Variants in BANK1 observed in about 807,000 individuals in gnomAD.
The protein encoded by BANK1 is B cell scaffold protein with ankyrin repeats 1, also known as B-cell scaffold protein with ankyrin repeats.
A neutral mutation model predicts 94.5 loss-of-function variants in BANK1; 95 were observed. The ratio of observed to expected loss-of-function variants is 1.00; its 90% CI spans 0.85 to 1.19. The LOEUF (loss-of-function observed/expected upper bound fraction) is 1.19. Among genes scored for constraint, BANK1 ranks in the 50% most tolerant of loss-of-function variants. BANK1 has a pLI of 0.00. For missense variants in BANK1, 987 were observed against 932.2 expected, an observed-to-expected ratio of 1.06 and a Z score of -0.77; for synonymous variants, 334 against 308.4, an observed-to-expected ratio of 1.08 and a Z score of -0.87.
intron 5 of BANK1, among the ~76,000 whole-genome samples, chr4:101,886,391 T>C (rs1728857029): frequency 6.6e-6 from 1 of 152,070 alleles, no homozygotes; most frequent in African/African-American, 2.4e-5. Context: ...ATAAACAAGA[T>C]GGATTCTGTC....
intron 7 of BANK1, among the ~76,000 whole-genome samples, chr4:101,950,046 TGTGTGTGTGTGTGTGCGC>T (rs1159612930): frequency 1.4e-4 from 12 of 88,328 alleles, no homozygotes; most frequent in African/African-American, 4.5e-4. Context: ...TGTGTGTGTG[TGTGTGTGTGTGTGTGCGC>T]GTGCGCGCGC....
At chr4:101,793,994 A>T (rs1220002217) in intron 1 of BANK1, among the ~76,000 whole-genome samples, 1 of 152,130 alleles carries the variant, frequency 6.6e-6, no homozygotes, top group East Asian at 1.9e-4. Flanking sequence ...TATCAAAAAA[A>T]ATAGGAGATA....
chr4:101,954,849 G>A (rs1255065671), intron 7 of BANK1, among the ~76,000 whole-genome samples: 1 of 152,146 alleles, frequency 6.6e-6, no homozygotes, highest in African/African-American at 2.4e-5. Context: ...ATCTTTTACT[G>A]CTAGATGAGA....
chr4:101,969,931 G>T (rs1724897519), intron 7 of BANK1, among the ~76,000 whole-genome samples: 1 of 152,108 alleles, frequency 6.6e-6, no homozygotes, highest in South Asian at 2.1e-4. Context: ...TTCCTATAGG[G>T]AGTGTGTATT....
chr4:101,925,088 A>T (rs1159463576), intron 7 of BANK1, among the ~76,000 whole-genome samples: 15 of 84,726 alleles, frequency 1.8e-4, no homozygotes, highest in Middle Eastern at 5.6e-3. Context: ...TTATTTTCCC[A>T]GGCAGAAGGG....
At chr4:101,906,642 TTCC>T (rs1722460815) in intron 6 of BANK1, among the ~76,000 whole-genome samples, 1 of 152,166 alleles carries the variant, frequency 6.6e-6, no homozygotes, top group South Asian at 2.1e-4. Context: ...TATACTCTCA[TTCC>T]TCCTCATCAT....
intron 7 of BANK1, among the ~76,000 whole-genome samples, chr4:101,937,160 A>G (rs927142553): frequency 6.6e-6 from 1 of 151,676 alleles, no homozygotes; most frequent in African/African-American, 2.4e-5. Flanking sequence ...CACCATAGAC[A>G]GAACTGGAGG....
chr4:102,056,407 T>C (rs1189049173), intron 11 of BANK1, among the ~76,000 whole-genome samples: 2 of 152,164 alleles, frequency 1.3e-5, no homozygotes, highest in Non-Finnish European at 2.9e-5. Flanking sequence ...TTAAATACTT[T>C]ATTGAATATA....
Position 101,990,464 on chromosome 4 carries a change from A to C in BANK1, c.1207-31050A>C, listed in dbSNP as rs1725661902. ...TTAATTTTCACCATGGTCACGTTAAAACTTATTGCTATTGTATTCTTCACA... is the reference window on the plus strand; with the variant it reads ...TTAATTTTCACCATGGTCACGTTAACACTTATTGCTATTGTATTCTTCACA... On this transcript the variant is annotated intron_variant, in intron 7 of 16. Coordinates refer to ENST00000322953, the MANE Select transcript of BANK1 (RefSeq NM_017935.5). Among the ~76,000 whole-genome samples, 3 of 152,196 alleles carry C rather than the reference A, an allele frequency of 2.0e-5. No individual in the cohort carries two copies. The East Asian group carries it at 5.8e-4, about 29-fold the overall frequency.
intron 7 of BANK1, among the ~76,000 whole-genome samples, chr4:101,998,231 G>A (rs1193562725): frequency 6.6e-6 from 1 of 152,164 alleles, no homozygotes; most frequent in East Asian, 1.9e-4. Context: ...GTGGTTTTGA[G>A]TGAGTTTCTT....
rs537402800 is a variant in BANK1 at position 101,822,857 on chromosome 4, C to T, written c.71-6951C>T. On this transcript the variant is annotated intron_variant, in intron 1 of 16. Coordinates refer to ENST00000322953, the MANE Select transcript of BANK1 (RefSeq NM_017935.5). ...GTCTCAATCTCCTGACCTCGTGATC[C>T]GCCCGCCTCGGCCTCCCAGAGTGCT... 2.5e-4 allele frequency among the ~76,000 whole-genome samples: 38 copies of T among 152,146 alleles called. No individual in the cohort carries two copies. In the East Asian group the frequency reaches 5.8e-3, roughly 23 times the overall value.
chr4:101,864,993 T>C (rs150397483), intron 4 of BANK1, among the ~76,000 whole-genome samples: 148 of 152,222 alleles, frequency 9.7e-4, no homozygotes, highest in African/African-American at 3.3e-3. Context: ...CTCTAGTTTC[T>C]ATGACCTGCC....
chr4:101,978,347 G>T (rs2631273), intron 7 of BANK1, among the ~76,000 whole-genome samples: 142,006 of 152,094 alleles, frequency 0.93, 66,541 homozygotes, highest in African/African-American at 0.99. Context: ...AATAAACAGA[G>T]AGACTAAATT....
rs567213763 is a variant in BANK1 at position 101,965,631 on chromosome 4, T to C, written c.1206+47442T>C. Among the ~76,000 whole-genome samples, 131 of 152,258 alleles carry C rather than the reference T, an allele frequency of 8.6e-4. 1 individual carries two copies. The highest frequency in any genetic ancestry group is 3.0e-3 in the African/African-American group (124 of 41,572). On this transcript the variant is annotated intron_variant, in intron 7 of 16. Transcript: ENST00000322953. ...AATGCCTATAAAGCCACAGTCTTTA[T>C]GGTGTGTGAACCTCAAGTCTCAGAA...
At chr4:101,828,765 A>T (rs572467879) in intron 1 of BANK1, among the ~76,000 whole-genome samples, 1 of 152,198 alleles carries the variant, frequency 6.6e-6, no homozygotes, top group African/African-American at 2.4e-5. Context: ...GACCAACCTC[A>T]CATTTCTCTT....
intron 1 of BANK1, among the ~76,000 whole-genome samples, chr4:101,824,897 G>A (rs564919164): frequency 1.3e-5 from 2 of 152,192 alleles, no homozygotes; most frequent in African/African-American, 4.8e-5. Flanking sequence ...TTGGTAATAT[G>A]TAATGTAGTC....
At chr4:101,928,512 C>T (rs777160424) in intron 7 of BANK1, among the ~76,000 whole-genome samples, 22 of 151,812 alleles carry the variant, frequency 1.4e-4, no homozygotes, top group Non-Finnish European at 1.6e-4. Flanking sequence ...GCTGAGATTT[C>T]AGCCTAAGCA....
At chr4:101,921,504 TAA>T (rs1219445738) in intron 7 of BANK1, among the ~76,000 whole-genome samples, 1 of 151,954 alleles carries the variant, frequency 6.6e-6, no homozygotes, top group Non-Finnish European at 1.5e-5. Context: ...AGATTTAAGA[TAA>T]AGTGTACAAG....
chr4:101,830,149 T>TC lies in BANK1; in HGVS notation c.413dup (p.Thr139AsnfsTer2), dbSNP rs758670408. ...TATCTCTCAAAGCAGATGGGAGATC[T>TC]CAACTGAACAGGAACCTGAAGACTA... On this transcript the variant is annotated frameshift_variant, in exon 2 of 17. Coordinates refer to ENST00000322953, the MANE Select transcript of BANK1 (RefSeq NM_017935.5). LOFTEE classifies it high-confidence loss of function. The TC allele has an allele frequency of 3.7e-5, 59 of 1,605,246 alleles. No individual in the cohort carries two copies. Among genetic ancestry groups the TC allele is most frequent in the Non-Finnish European group, 4.2e-6 (5 of 1,177,342 alleles).
Sources: allele counts gnomAD v4.1 joint callset (sites outside exome capture counted in the v4.1 genomes callset), GRCh38; gene constraint gnomAD v4.1.1; transcripts MANE v1.5; gene names NCBI Gene and HGNC (gene_info 2026-07-23, HGNC 2026-07-21).